TRPC7: variants seen among roughly 807,000 people sequenced by gnomAD.
TRPC7 encodes the protein transient receptor potential cation channel subfamily C member 7.
Under a neutral mutation model 90.1 loss-of-function variants are expected in TRPC7, and 42 were observed. The ratio of observed to expected loss-of-function variants is 0.47; its 90% CI spans 0.36 to 0.60. TRPC7 has a LOEUF of 0.60. Ranked by LOEUF, TRPC7 falls within the 20% of genes least tolerant of loss-of-function variation. The pLI, the probability that TRPC7 is intolerant of heterozygous loss-of-function variation, is 0.00. For synonymous variants in TRPC7, 451 were observed against 436.3 expected, an observed-to-expected ratio of 1.03 and a Z score of -0.42; for missense variants, 955 against 1,112.3, an observed-to-expected ratio of 0.86 and a Z score of 2.01.
chr5:136,319,795 T>C (rs1040177045), intron 2 of TRPC7, among the ~76,000 whole-genome samples: 1 of 152,186 alleles, frequency 6.6e-6, no homozygotes, highest in Non-Finnish European at 1.5e-5. Context: ...CAGAATAACA[T>C]ACTCTTCTGT....
intron 8 of TRPC7, chr5:136,226,534 A>G: frequency 2.3e-6 from 1 of 426,414 alleles, no homozygotes; most frequent in Non-Finnish European, 4.1e-6. Flanking sequence ...ATTTACCAAC[A>G]TTCTCCATTT....
intron 10 of TRPC7, among the ~76,000 whole-genome samples, chr5:136,224,401 G>A (rs1423682018): frequency 6.6e-6 from 1 of 152,182 alleles, no homozygotes; most frequent in Non-Finnish European, 1.5e-5. Flanking sequence ...TCTGACAACA[G>A]ACTTGGCAGG....
At chr5:136,364,059 G>T (rs371814140) in intron 1 of TRPC7, among the ~76,000 whole-genome samples, 1 of 152,094 alleles carries the variant, frequency 6.6e-6, no homozygotes, top group Non-Finnish European at 1.5e-5. Context: ...AGAAAGAGAG[G>T]CCCTTATATT....
At chr5:136,216,351 C>T (rs1755268918) in intron 10 of TRPC7, 76 bp from the exon 11 acceptor site, 2 of 1,170,578 alleles carry the variant, frequency 1.7e-6, no homozygotes, top group Admixed American at 2.0e-5. Context: ...TAGCAGGACC[C>T]CTCCCTCCCT....
chr5:136,357,707 C>T lies in TRPC7; in HGVS notation c.3-322G>A, dbSNP rs1346802073. ...GCGTAGGGTGGTGGTATGGCTGAAG[C>T]AGGCAGGAGGCTATTGGTTTTATTT... is the stretch of plus-strand genomic sequence containing the variant. On this transcript the variant is annotated intron_variant, in intron 1 of 11. Transcript: ENST00000513104. Among the ~76,000 whole-genome samples the T allele has an allele frequency of 2.6e-5, 4 of 152,108 alleles. No homozygotes were observed. The East Asian group carries it at 7.7e-4, about 29-fold the overall frequency.
chr5:136,291,824 A>G (rs1034151012), intron 3 of TRPC7, among the ~76,000 whole-genome samples: 4 of 152,214 alleles, frequency 2.6e-5, no homozygotes, highest in Non-Finnish European at 4.4e-5. Context: ...TCCACCCCAA[A>G]TCAACAGAAT....
intron 3 of TRPC7, among the ~76,000 whole-genome samples, chr5:136,285,353 T>G (rs1278050042): frequency 6.6e-6 from 1 of 152,200 alleles, no homozygotes; most frequent in Non-Finnish European, 1.5e-5. Flanking sequence ...ATCCTCCATT[T>G]AAATTGCAGC....
At chr5:136,298,355 G>A (rs1396038895) in intron 3 of TRPC7, among the ~76,000 whole-genome samples, 2 of 152,212 alleles carry the variant, frequency 1.3e-5, no homozygotes, top group Admixed American at 6.5e-5. Context: ...GTGAGCAGGA[G>A]GGAGTTTGGT....
At chr5:136,260,101 T>G (rs1365767960) in intron 5 of TRPC7, among the ~76,000 whole-genome samples, 1 of 152,038 alleles carries the variant, frequency 6.6e-6, no homozygotes, top group South Asian at 2.1e-4. Context: ...ACATGCCCCA[T>G]AGGATGAGGG....
chr5:136,274,662 G>A lies in TRPC7; in HGVS notation c.1128+11C>T. On this transcript the variant is annotated intron_variant, in intron 4 of 11. Coordinates refer to ENST00000513104, the MANE Select transcript of TRPC7 (RefSeq NM_020389.3). ...TAACCGCAAACGACATGCACCTTAA[G>A]CAGTCTGTACCTTGCTGCACGGAGC... 6.3e-7 allele frequency: 1 copy of A among 1,599,472 alleles called. No individual in the cohort carries two copies.
intron 5 of TRPC7, among the ~76,000 whole-genome samples, chr5:136,255,931 T>C (rs1256654304): frequency 6.6e-6 from 1 of 152,194 alleles, no homozygotes; most frequent in Non-Finnish European, 1.5e-5. Flanking sequence ...GGAAATAAAA[T>C]TGGGCTCAAA....
intron 2 of TRPC7, among the ~76,000 whole-genome samples, chr5:136,325,163 T>C (rs1020167473): frequency 4.6e-5 from 7 of 152,346 alleles, no homozygotes; most frequent in Non-Finnish European, 8.8e-5. Context: ...GTAGAGCTGA[T>C]AGTATTATTA....
At chr5:136,308,686 G>T (rs1192333145) in intron 3 of TRPC7, among the ~76,000 whole-genome samples, 1 of 152,196 alleles carries the variant, frequency 6.6e-6, no homozygotes, top group Non-Finnish European at 1.5e-5. Context: ...CTAGGGAGAG[G>T]ATGTCAGCCA....
At chr5:136,249,483 GATAAGATAAA>G (rs1208518465) in intron 6 of TRPC7, among the ~76,000 whole-genome samples, 2 of 152,108 alleles carry the variant, frequency 1.3e-5, no homozygotes, top group Non-Finnish European at 2.9e-5. Context: ...TAAATATTTG[GATAAGATAAA>G]ATAAGACATA....
intron 2 of TRPC7, among the ~76,000 whole-genome samples, chr5:136,338,414 C>T (rs911493650): frequency 6.6e-6 from 1 of 152,194 alleles, no homozygotes; most frequent in African/African-American, 2.4e-5. Context: ...TATCTCACCT[C>T]TCCAGAGTTC....
At position 136,258,194 on chromosome 5, in the gene TRPC7, G is replaced by A. The variant is rs545328123; in HGVS notation, c.1346-6312C>T. Among the ~76,000 whole-genome samples, 4 of 152,284 alleles carry A rather than the reference G, an allele frequency of 2.6e-5. No homozygotes were observed. The South Asian group carries it at 8.3e-4, about 32-fold the overall frequency. On this transcript the variant is annotated intron_variant, in intron 5 of 11. Coordinates refer to ENST00000513104, the MANE Select transcript of TRPC7 (RefSeq NM_020389.3). ...CCTCCATGGTCAAATGTCTGCATGA[G>A]TCTTCTTAGATTTAAATATTAATTC...
At chr5:136,282,651 T>C (rs775773298) in intron 3 of TRPC7, among the ~76,000 whole-genome samples, 3 of 152,230 alleles carry the variant, frequency 2.0e-5, no homozygotes, top group Non-Finnish European at 4.4e-5. Context: ...TTATAAATAT[T>C]CTTAATACCA....
At chr5:136,332,920 A>AG (rs1367971923) in intron 2 of TRPC7, among the ~76,000 whole-genome samples, 1 of 152,206 alleles carries the variant, frequency 6.6e-6, no homozygotes, top group African/African-American at 2.4e-5. Context: ...AGGTATTAAG[A>AG]GGCCTGCATC....
intron 2 of TRPC7, among the ~76,000 whole-genome samples, chr5:136,330,896 C>A (rs1759477969): frequency 6.6e-6 from 1 of 152,208 alleles, no homozygotes; most frequent in South Asian, 2.1e-4. Flanking sequence ...GAGATCATCA[C>A]CCCCTTTCTG....
Sources: allele counts gnomAD v4.1 joint callset (sites outside exome capture counted in the v4.1 genomes callset), GRCh38; gene constraint gnomAD v4.1.1; transcripts MANE v1.5; gene names NCBI Gene and HGNC (gene_info 2026-07-23, HGNC 2026-07-21).